PTPRN2: variants seen among roughly 807,000 people sequenced by gnomAD.
The protein encoded by PTPRN2 is protein tyrosine phosphatase receptor type N2.
A neutral mutation model predicts 118.8 loss-of-function variants in PTPRN2; 74 were observed. The ratio of observed to expected loss-of-function variants is 0.62; its 90% CI spans 0.52 to 0.76. The LOEUF (loss-of-function observed/expected upper bound fraction) is 0.76. Among genes scored for constraint, PTPRN2 ranks in the 30% least tolerant of loss-of-function variants. PTPRN2 has a pLI of 0.00. For missense variants in PTPRN2, 1,481 were observed against 1,394.4 expected (o/e 1.06, Z -0.99); for synonymous variants, 641 against 608.0 (o/e 1.05, Z -0.80).
At chr7:158,007,186 T>C (rs1490500051) in intron 11 of PTPRN2, among the ~76,000 whole-genome samples, 2 of 152,180 alleles carry the variant, frequency 1.3e-5, no homozygotes, top group African/African-American at 4.8e-5. Flanking sequence ...TGAAAGACAC[T>C]TTCTCCAAAT....
intron 2 of PTPRN2, among the ~76,000 whole-genome samples, chr7:158,419,430 G>A (rs117430425): frequency 0.15 from 865 of 5,924 alleles, 4 homozygotes; most frequent in Middle Eastern, 0.5. Flanking sequence ...TGTCACTGCC[G>A]TAATCACTCA....
chr7:158,047,686 G>A (rs1216399258), intron 11 of PTPRN2, among the ~76,000 whole-genome samples: 25 of 152,250 alleles, frequency 1.6e-4, no homozygotes, highest in South Asian at 2.1e-4. Flanking sequence ...TTTCAGAGCC[G>A]ATGGCATGTT....
chr7:158,310,614 C>T (rs533025036), intron 3 of PTPRN2, among the ~76,000 whole-genome samples: 1 of 152,244 alleles, frequency 6.6e-6, no homozygotes, highest in Non-Finnish European at 1.5e-5. Context: ...GAGGTTCCTC[C>T]ATTGCCCTGC....
At chr7:157,844,080 G>C (rs538458006) in intron 12 of PTPRN2, among the ~76,000 whole-genome samples, 1 of 151,174 alleles carries the variant, frequency 6.6e-6, no homozygotes, top group South Asian at 2.1e-4. Context: ...CCTCCACGTC[G>C]TGGATGTGGA....
chr7:157,840,567 G>A (rs768392366), intron 12 of PTPRN2, among the ~76,000 whole-genome samples: 4 of 152,220 alleles, frequency 2.6e-5, no homozygotes, highest in Non-Finnish European at 5.9e-5. Flanking sequence ...GTACGGGACG[G>A]GAGCTGCAGA....
intron 9 of PTPRN2, 136 bp from the exon 10 acceptor site, chr7:158,111,051 C>T (rs1371341396): frequency 1.8e-5 from 13 of 717,658 alleles, no homozygotes; most frequent in Non-Finnish European, 2.7e-5. Flanking sequence ...TCAGCTGCCC[C>T]CTCAGGCACA....
chr7:158,163,911 G>A (rs1822622928), intron 6 of PTPRN2, among the ~76,000 whole-genome samples: 1 of 152,260 alleles, frequency 6.6e-6, no homozygotes, highest in African/African-American at 2.4e-5. Flanking sequence ...GTATTTCATA[G>A]GTGATACCTG....
chr7:158,324,959 C>T (rs930273797), intron 2 of PTPRN2, among the ~76,000 whole-genome samples: 1 of 152,138 alleles, frequency 6.6e-6, no homozygotes, highest in Non-Finnish European at 1.5e-5. Context: ...GAGAAATGGC[C>T]CAGAGACGCT....
At chr7:158,380,707 C>T (rs1458757240) in intron 2 of PTPRN2, among the ~76,000 whole-genome samples, 1 of 152,260 alleles carries the variant, frequency 6.6e-6, no homozygotes, top group East Asian at 1.9e-4. Context: ...CCAGTAGGGA[C>T]TCTGTGTGCA....
chr7:158,075,108 G>A (rs1812242182), intron 11 of PTPRN2, among the ~76,000 whole-genome samples: 1 of 152,204 alleles, frequency 6.6e-6, no homozygotes, highest in Non-Finnish European at 1.5e-5. Context: ...AGCCATGGGT[G>A]GCCTCTGTCC....
At chr7:157,543,441 CA>C (rs1261227567) in intron 22 of PTPRN2, among the ~76,000 whole-genome samples, 7 of 152,230 alleles carry the variant, frequency 4.6e-5, no homozygotes, top group African/African-American at 1.7e-4. Context: ...CCACGCTGGA[CA>C]GCGAGTGGGA....
chr7:158,367,458 G>A (rs1044680196), intron 2 of PTPRN2, among the ~76,000 whole-genome samples: 2 of 152,214 alleles, frequency 1.3e-5, no homozygotes, highest in African/African-American at 4.8e-5. Context: ...ATGGGCAGGA[G>A]GACGCAGTGG....
chr7:158,004,311 T>G (rs1215061073), intron 11 of PTPRN2, among the ~76,000 whole-genome samples: 1 of 152,200 alleles, frequency 6.6e-6, no homozygotes, highest in African/African-American at 2.4e-5. Context: ...CTACCCTCAA[T>G]GGCACCCGAA....
chr7:158,150,591 T>A lies in PTPRN2; in HGVS notation c.911-12076A>T, dbSNP rs895134533. 2.6e-5 allele frequency among the ~76,000 whole-genome samples: 4 copies of A among 152,152 alleles called. No homozygotes were observed. In the South Asian group the frequency reaches 6.2e-4, roughly 24 times the overall value. ...TCTAGAAGGTCAAGGAGCATCTATA[T>A]GGAAAGACCTTTTCTCCTTAAGATC... On this transcript the variant is annotated intron_variant, in intron 6 of 22. Coordinates refer to ENST00000389418, the MANE Select transcript of PTPRN2 (RefSeq NM_002847.5).
At chr7:157,910,520 C>A (rs1265605843) in intron 11 of PTPRN2, among the ~76,000 whole-genome samples, 1 of 152,084 alleles carries the variant, frequency 6.6e-6, no homozygotes, top group African/African-American at 2.4e-5. Context: ...GGAACGGGTC[C>A]AGGATCACGC....
chr7:157,806,140 T>C (rs1450457635), intron 12 of PTPRN2, among the ~76,000 whole-genome samples: 1 of 152,116 alleles, frequency 6.6e-6, no homozygotes, highest in African/African-American at 2.4e-5. Flanking sequence ...TCTGAAGTGA[T>C]TGGAACCAGA....
At chr7:157,942,958 T>C (rs1407736671) in intron 11 of PTPRN2, among the ~76,000 whole-genome samples, 1 of 152,184 alleles carries the variant, frequency 6.6e-6, no homozygotes, top group Non-Finnish European at 1.5e-5. Context: ...ATCCCTGGCA[T>C]TTCCATGCCC....
At chr7:157,567,424 G>A (rs981583705) in intron 21 of PTPRN2, among the ~76,000 whole-genome samples, 1 of 152,148 alleles carries the variant, frequency 6.6e-6, no homozygotes, top group African/African-American at 2.4e-5. Context: ...GTGGGGTGTG[G>A]GGCTGGGCTG....
chr7:157,643,483 G>T (rs1804831531), intron 14 of PTPRN2, among the ~76,000 whole-genome samples: 1 of 152,258 alleles, frequency 6.6e-6, no homozygotes, highest in East Asian at 1.9e-4. Context: ...ACAGAGCGCT[G>T]CAAGGGGCAC....
Sources: allele counts gnomAD v4.1 joint callset (sites outside exome capture counted in the v4.1 genomes callset), GRCh38; gene constraint gnomAD v4.1.1; transcripts MANE v1.5; gene names NCBI Gene and HGNC (gene_info 2026-07-23, HGNC 2026-07-21).